The following NEB variants were observed in gnomAD, a reference collection of about 807,000 sequenced individuals.
The protein encoded by NEB is nemaline myopathy type 2.
In NEB, 512 loss-of-function variants were observed where a neutral mutation model predicts 952.2. The observed-to-expected ratio is 0.54, with a 90% CI of 0.50 to 0.58. NEB has a LOEUF of 0.58. NEB is among the 20% of genes least tolerant of loss of function. The probability of loss-of-function intolerance (pLI) is 0.00; values close to 1 mark genes in which losing one functional copy is unlikely to be tolerated. For synonymous variants in NEB, 2,900 were observed against 3,149.8 expected, an observed-to-expected ratio of 0.92 and a Z score of 2.66; for missense variants, 8,428 against 9,231.1, an observed-to-expected ratio of 0.91 and a Z score of 3.56.
chr2:151,664,434 T>C, intron 44 of NEB, 67 bp downstream of exon 44: 1 of 1,218,072 alleles, frequency 8.2e-7, no homozygotes, highest in Non-Finnish European at 1.1e-6. Context: ...TGCTCCTACA[T>C]ACACACAAGC....
At chr2:151,726,034 G>A (rs1295092335) in intron 5 of NEB, among the ~76,000 whole-genome samples, 1 of 152,094 alleles carries the variant, frequency 6.6e-6, no homozygotes, top group African/African-American at 2.4e-5. Flanking sequence ...TGTAAATTTA[G>A]GAATGTGATT....
At chr2:151,581,955 A>C (rs539013946) in intron 102 of NEB, among the ~76,000 whole-genome samples, 103 of 150,232 alleles carry the variant, frequency 6.9e-4, no homozygotes, top group African/African-American at 2.4e-3. Context: ...ATTTAAAATG[A>C]GTCAGAAATA....
Position 151,524,310 on chromosome 2 carries a change from C to T in NEB, c.22479+1G>A. On this transcript the variant is annotated splice_donor_variant, in intron 153 of 181. Transcript: ENST00000397345. LOFTEE classifies it high-confidence loss of function. ...GCCACCAGTGCACCCATCTGCATTA[C>T]CTGGCTGCTCAGCTTGGCTGCCTTC... is the stretch of plus-strand genomic sequence containing the variant. 1 of 1,613,078 alleles carries T rather than the reference C, an allele frequency of 6.2e-7. No homozygotes were observed. Among genetic ancestry groups the T allele is most frequent in the South Asian group, 1.1e-5 (1 of 91,074 alleles).
intron 105 of NEB, among the ~76,000 whole-genome samples, chr2:151,577,061 T>C (rs2096892960): frequency 6.6e-6 from 1 of 152,180 alleles, no homozygotes; most frequent in Non-Finnish European, 1.5e-5. Context: ...CATCATACCA[T>C]TACCAATGCA....
At position 151,498,244 on chromosome 2, in the gene NEB, T is replaced by G. The variant is rs1467569358; in HGVS notation, c.24207+16A>C. ...TGAAGTTAAGTGGCATTTTTTCCCC[T>G]TTCTTTCCAAAATACCGAGCTAAGG... On this transcript the variant is annotated intron_variant, in intron 170 of 181. Coordinates refer to ENST00000397345, the MANE Select transcript of NEB (RefSeq NM_001164508.2). The G allele has an allele frequency of 4.5e-6, 7 of 1,550,730 alleles. No individual in the cohort carries two copies. In the Admixed American group the frequency reaches 1.2e-4, roughly 26 times the overall value.
chr2:151,508,026 C>T lies in NEB; in HGVS notation c.23430G>A (p.Glu7810=). The change falls in exon 162 of 182, where the codon GAG becomes GAA. Residue 7810 remains glutamate, a synonymous_variant. Transcript: ENST00000397345. Reference sequence around the variant, plus strand: ...TTACAAGGCTGAAGTTCTTTTGGTTCTCCCGGACTCTCTGTATCTCTGGGG... The same window carrying T: ...TTACAAGGCTGAAGTTCTTTTGGTTTTCCCGGACTCTCTGTATCTCTGGGG... ...LDTPEIQRVR[E]NQKNFSLLQY... 6.2e-7 allele frequency: 1 copy of T among 1,609,224 alleles called. No homozygotes were observed. Among genetic ancestry groups the T allele is most frequent in the South Asian group, 1.1e-5 (1 of 90,022 alleles).
rs761745146 is a variant in NEB at position 151,643,960 on chromosome 2, T to C, written c.7814A>G (p.Asp2605Gly). The C allele has an allele frequency of 4.3e-6, 7 of 1,613,836 alleles. No individual in the cohort carries two copies. Among genetic ancestry groups the C allele is most frequent in the Non-Finnish European group, 5.1e-6 (6 of 1,179,882 alleles). The change falls in exon 57 of 182, where the codon GAC (aspartate) becomes GGC (glycine). Residue 2605 changes from aspartate (D) to glycine (G), a missense_variant. By Grantham distance (94) the Asp-to-Gly change is moderately conservative. Around this residue, in one of 11 missense-constraint regions of NEB, gnomAD observed 1,772 missense variants for 1,960.3 expected, o/e 0.90. Coordinates refer to ENST00000397345, the MANE Select transcript of NEB (RefSeq NM_001164508.2). ...CTTGGCCAACACCACCCCCAGCATGTCCACTGGGCTGCTGAACTTGGTCTT... is the reference window on the plus strand; with the variant it reads ...CTTGGCCAACACCACCCCCAGCATGCCCACTGGGCTGCTGAACTTGGTCTT... ...KWKTKFSSPV[D>G]MLGVVLAKKC...
In NEB at chr2:151,620,347, GTATATATA is replaced by G. The variant is rs71000481; in HGVS notation, c.10560+564_10560+571del. ...TTATTATATATATATGTATGTGTGT[GTATATATA>G]TATATATATATATATATATATATAT... On this transcript the variant is annotated intron_variant, in intron 72 of 181. Transcript: ENST00000397345. Among the ~76,000 whole-genome samples, 279 of 48,452 alleles carry G rather than the reference GTATATATA, an allele frequency of 5.8e-3. 2 individuals are homozygous for G. Among genetic ancestry groups the G allele is most frequent in the African/African-American group, 0.013 (171 of 12,866 alleles). The allele number at this position is 48,452 out of a possible 152,430, so 31.8% of individuals were successfully genotyped here.
At chr2:151,630,073 C>T (rs1267117929) in intron 67 of NEB, among the ~76,000 whole-genome samples, 1 of 151,556 alleles carries the variant, frequency 6.6e-6, no homozygotes, top group Non-Finnish European at 1.5e-5. Flanking sequence ...TTTTTATTAC[C>T]TACAATTTGT....
Position 151,671,148 on chromosome 2 carries a change from T to G in NEB, c.4381A>C (p.Lys1461Gln), listed in dbSNP as rs777071061. 1 of 1,614,012 alleles carries G rather than the reference T, an allele frequency of 6.2e-7. No homozygotes were observed. The highest frequency in any genetic ancestry group is 2.2e-5 in the East Asian group (1 of 44,886). The change falls in exon 38 of 182, where the codon AAG becomes CAG. Residue 1461 changes from lysine to glutamine, a missense_variant. Lys to Gln is a moderately conservative substitution (Grantham distance 53, BLOSUM62 1). Transcript: ENST00000397345. The part of the protein sequence containing the change: ...PIGSLEVEKV[K>Q]KAGDALNERK... The stretch of plus-strand genomic sequence containing the variant: ...TCATTTAATGCATCGCCTGCTTTCT[T>G]GACCTTCTCCACCTCCAGGGAACCA...
chr2:151,510,346 A>G (rs1286710263), intron 161 of NEB, among the ~76,000 whole-genome samples: 1 of 152,212 alleles, frequency 6.6e-6, no homozygotes, highest in African/African-American at 2.4e-5. Context: ...GCCTAGCCGA[A>G]ACTTTTGGTG....
rs1296994266 is a variant in NEB at position 151,507,954 on chromosome 2, C to T, written c.23451+51G>A. On this transcript the variant is annotated intron_variant, in intron 162 of 181. Transcript: ENST00000397345. ...CTGGGATATCCAGAGGCATCTTCCT[C>T]AGCACCCCTAGGTGCCTGTGGGCTG... The T allele has an allele frequency of 3.0e-6, 4 of 1,352,112 alleles. No homozygotes were observed. The African/African-American group carries it at 4.3e-5, about 15-fold the overall frequency. The allele number at this position is 1,352,112 out of a possible 1,614,324, so 83.8% of individuals were successfully genotyped here. A position where few individuals can be genotyped will look rare whatever the true frequency, so the allele number is the denominator to read the frequency against.
chr2:151,540,240 C>T, intron 138 of NEB, 104 bp downstream of exon 138: 1 of 619,178 alleles, frequency 1.6e-6, no homozygotes, highest in Non-Finnish European at 2.5e-6. Flanking sequence ...TTTCCTAGGC[C>T]ATGGTTTAGA....
intron 154 of NEB, among the ~76,000 whole-genome samples, 199 bp from the exon 155 acceptor site, chr2:151,519,268 T>C (rs2080297696): frequency 6.6e-6 from 1 of 152,206 alleles, no homozygotes. Flanking sequence ...ATGTGGCATA[T>C]ACATACAATG....
At chr2:151,653,369 C>T (rs1304837933) in intron 52 of NEB, among the ~76,000 whole-genome samples, 4 of 152,108 alleles carry the variant, frequency 2.6e-5, no homozygotes, top group Admixed American at 2.6e-4. Context: ...AGTTTTTCAC[C>T]AGATTTGCTA....
At chr2:151,567,050 G>T (rs2096435140) in intron 114 of NEB, 118 bp downstream of exon 114, 1 of 920,476 alleles carries the variant, frequency 1.1e-6, no homozygotes, top group Non-Finnish European at 1.6e-6. Context: ...ATTCCCTTTG[G>T]GAACAAATTA....
Position 151,506,156 on chromosome 2 carries a change from G to T in NEB, c.23649+10C>A. 6.3e-7 allele frequency: 1 copy of T among 1,596,118 alleles called. No homozygotes were observed. The highest frequency in any genetic ancestry group is 8.6e-7 in the Non-Finnish European group (1 of 1,163,878). Reference sequence around the variant, plus strand: ...AGAAAATATTGCAAGTGCATTCACTGTGTCTTTACCGAGCTAATGTGGTCC... The same window carrying T: ...AGAAAATATTGCAAGTGCATTCACTTTGTCTTTACCGAGCTAATGTGGTCC... On this transcript the variant is annotated intron_variant, in intron 164 of 181. Coordinates refer to ENST00000397345, the MANE Select transcript of NEB (RefSeq NM_001164508.2).
At chr2:151,533,637 G>A (rs1211635764) in intron 142 of NEB, 91 bp from the exon 143 acceptor site, 6 of 779,294 alleles carry the variant, frequency 7.7e-6, no homozygotes, top group Non-Finnish European at 1.3e-5. Context: ...TGAGTGAAGA[G>A]ATGTAGGCAT....
chr2:151,512,019 CTTTTTTTTTTTTTTTT>C (rs71403173), intron 161 of NEB, among the ~76,000 whole-genome samples: 3 of 93,586 alleles, frequency 3.2e-5, no homozygotes, highest in Non-Finnish European at 6.1e-5. Context: ...CCCTCTCACT[CTTTTTTTTTTTTTTTT>C]TTTTTTTTTT....
Sources: allele counts gnomAD v4.1 joint callset (sites outside exome capture counted in the v4.1 genomes callset), GRCh38; gene constraint gnomAD v4.1.1; regional missense constraint gnomAD v4.1.1; transcripts MANE v1.5; gene names NCBI Gene and HGNC (gene_info 2026-07-23, HGNC 2026-07-21).